The following TAFA1 variants were observed in gnomAD, a reference collection of about 807,000 sequenced individuals.
The protein encoded by TAFA1 is chemokine-like protein TAFA-1.
In TAFA1, 4 loss-of-function variants were observed where a neutral mutation model predicts 18.5. The observed-to-expected ratio is 0.22, with a 90% CI of 0.11 to 0.49. The LOEUF is 0.49. Ranked by LOEUF, TAFA1 falls within the 20% of genes least tolerant of loss-of-function variation. The pLI is 0.98. For synonymous variants in TAFA1, 56 were observed against 55.2 expected (o/e 1.01, Z -0.06); for missense variants, 147 against 169.0 (o/e 0.87, Z 0.72).
chr3:68,318,192 C>T (rs541303840), intron 2 of TAFA1, among the ~76,000 whole-genome samples: 11 of 152,300 alleles, frequency 7.2e-5, no homozygotes, highest in African/African-American at 2.6e-4. Context: ...ATTTAGCTCT[C>T]TGGTGATGAA....
intron 2 of TAFA1, among the ~76,000 whole-genome samples, chr3:68,156,817 T>C (rs1373973092): frequency 6.6e-6 from 1 of 152,124 alleles, no homozygotes; most frequent in Admixed American, 6.5e-5. Context: ...ATTAATGCCA[T>C]CCTTATCTTT....
chr3:68,149,097 C>T (rs550374588), intron 2 of TAFA1, among the ~76,000 whole-genome samples: 8 of 152,278 alleles, frequency 5.3e-5, no homozygotes, highest in African/African-American at 1.7e-4. Context: ...CTCATTCCAT[C>T]CTCCTGATGA....
intron 2 of TAFA1, among the ~76,000 whole-genome samples, chr3:68,088,835 G>A (rs752150880): frequency 2.6e-5 from 4 of 152,182 alleles, no homozygotes; most frequent in Non-Finnish European, 5.9e-5. Context: ...TATTACTGTT[G>A]ACAAGGTGAG....
At chr3:67,995,227 A>G in the TAFA1 span, among the ~76,000 whole-genome samples, 1 of 152,200 alleles carries the variant, frequency 6.6e-6, no homozygotes. Flanking sequence ...GGGGGTTGCC[A>G]TAGTGACCAG....
chr3:68,338,625 G>A (rs1430100984), intron 2 of TAFA1, among the ~76,000 whole-genome samples: 1 of 152,152 alleles, frequency 6.6e-6, no homozygotes, highest in African/African-American at 2.4e-5. Flanking sequence ...GCAGGCTAGA[G>A]GGGTTTGAAA....
intron 4 of TAFA1, among the ~76,000 whole-genome samples, chr3:68,541,709 G>C (rs2073378414): frequency 6.6e-6 from 1 of 152,120 alleles, no homozygotes; most frequent in African/African-American, 2.4e-5. Context: ...TAGCAACTGA[G>C]AGTTTCCTTC....
intron 2 of TAFA1, among the ~76,000 whole-genome samples, chr3:68,146,804 C>G (rs1019926784): frequency 1.3e-5 from 2 of 152,142 alleles, no homozygotes; most frequent in Non-Finnish European, 2.9e-5. Context: ...GGGGAAAATC[C>G]TACAGCTAAA....
At chr3:68,542,442 T>C (rs960383589) in intron 4 of TAFA1, among the ~76,000 whole-genome samples, 1 of 152,180 alleles carries the variant, frequency 6.6e-6, no homozygotes, top group African/African-American at 2.4e-5. Flanking sequence ...TTCTTTAAAC[T>C]ATATCAAATA....
intron 2 of TAFA1, among the ~76,000 whole-genome samples, chr3:68,041,196 C>T (rs1705157027): frequency 6.6e-6 from 1 of 152,182 alleles, no homozygotes; most frequent in Non-Finnish European, 1.5e-5. Flanking sequence ...TCTTCTTCCA[C>T]CTTGTATGAT....
chr3:68,131,258 C>T (rs2065532816), intron 2 of TAFA1, among the ~76,000 whole-genome samples: 1 of 152,102 alleles, frequency 6.6e-6, no homozygotes, highest in South Asian at 2.1e-4. Flanking sequence ...CATATTTTCC[C>T]ATGATCTGGG....
intron 3 of TAFA1, among the ~76,000 whole-genome samples, chr3:68,429,427 C>A (rs2106831992): frequency 6.6e-6 from 1 of 151,940 alleles, no homozygotes; most frequent in South Asian, 2.1e-4. Context: ...ATCATTCCTT[C>A]CAGGACATGG....
intron 2 of TAFA1, among the ~76,000 whole-genome samples, chr3:68,398,113 G>A (rs1424435684): frequency 6.6e-6 from 1 of 152,070 alleles, no homozygotes; most frequent in African/African-American, 2.4e-5. Context: ...GTATAGCCAA[G>A]ACAATCCTAA....
intron 3 of TAFA1, among the ~76,000 whole-genome samples, chr3:68,439,080 T>G (rs1254039935): frequency 1.3e-5 from 2 of 152,118 alleles, no homozygotes; most frequent in Non-Finnish European, 2.9e-5. Context: ...CTCCCTTCTA[T>G]CCATGCTAAT....
intron 3 of TAFA1, among the ~76,000 whole-genome samples, chr3:68,476,133 C>A (rs373715627): frequency 6.6e-6 from 1 of 151,970 alleles, no homozygotes; most frequent in African/African-American, 2.4e-5. Context: ...TCTAAAACAC[C>A]GAAAGCAATG....
At chr3:68,302,137 G>T (rs1281413634) in intron 2 of TAFA1, among the ~76,000 whole-genome samples, 1 of 152,144 alleles carries the variant, frequency 6.6e-6, no homozygotes, top group Non-Finnish European at 1.5e-5. Flanking sequence ...TAGGAAGAGA[G>T]AAATATTTGT....
At chr3:68,519,914 A>G (rs1205194432) in intron 3 of TAFA1, among the ~76,000 whole-genome samples, 1 of 152,226 alleles carries the variant, frequency 6.6e-6, no homozygotes, top group Admixed American at 6.5e-5. Context: ...ACATGAGCTT[A>G]CATATTACCT....
chr3:68,314,788 A>G (rs1462573323), intron 2 of TAFA1, among the ~76,000 whole-genome samples: 1 of 152,072 alleles, frequency 6.6e-6, no homozygotes, highest in African/African-American at 2.4e-5. Flanking sequence ...GAGCTTCAGG[A>G]CGAAAAAGAT....
chr3:68,368,199 A>G (rs2069608723), intron 2 of TAFA1, among the ~76,000 whole-genome samples: 1 of 152,190 alleles, frequency 6.6e-6, no homozygotes, highest in Non-Finnish European at 1.5e-5. Flanking sequence ...GTAATCTTTA[A>G]AAGTGTGCTT....
At chr3:68,239,426 G>A (rs2066969891) in intron 2 of TAFA1, among the ~76,000 whole-genome samples, 1 of 152,086 alleles carries the variant, frequency 6.6e-6, no homozygotes, top group East Asian at 1.9e-4. Flanking sequence ...TGGTAAAACA[G>A]ATACAATTCT....
Sources: allele counts gnomAD v4.1 joint callset (sites outside exome capture counted in the v4.1 genomes callset), GRCh38; gene constraint gnomAD v4.1.1; transcripts MANE v1.5; gene names NCBI Gene and HGNC (gene_info 2026-07-23, HGNC 2026-07-21).